Variants in MDGA2 observed in about 807,000 individuals in gnomAD.
The protein encoded by MDGA2 is MAM domain containing glycosylphosphatidylinositol anchor 2.
MDGA2 carries 40 observed loss-of-function variants against 117.8 expected under a neutral mutation model. The observed-to-expected ratio is 0.34, with a 90% CI of 0.26 to 0.44. The LOEUF (loss-of-function observed/expected upper bound fraction) is 0.44, where lower values mean the gene tolerates loss of function less well. Ranked by LOEUF, MDGA2 falls within the 20% of genes least tolerant of loss-of-function variation. MDGA2 has a pLI of 1.00. For synonymous variants in MDGA2, 452 were observed against 439.0 expected (o/e 1.03, Z -0.37); for missense variants, 1,123 against 1,250.6 (o/e 0.90, Z 1.54).
At chr14:47,278,801 T>TA (rs1888385178) in intron 2 of MDGA2, among the ~76,000 whole-genome samples, 1 of 152,154 alleles carries the variant, frequency 6.6e-6, no homozygotes, top group Non-Finnish European at 1.5e-5. Flanking sequence ...TCCCCTACAT[T>TA]ATTATTAGCT....
intron 15 of MDGA2, among the ~76,000 whole-genome samples, chr14:46,849,197 GA>G (rs573067604): frequency 6.1e-4 from 93 of 151,954 alleles, no homozygotes; most frequent in African/African-American, 2.1e-3. Context: ...TGATGATAAA[GA>G]ATCTATTTTA....
chr14:47,129,080 A>G (rs1192689932), intron 5 of MDGA2, among the ~76,000 whole-genome samples: 1 of 145,852 alleles, frequency 6.9e-6, no homozygotes, highest in African/African-American at 2.5e-5. Flanking sequence ...GAAATAGAGC[A>G]TTCTCTAGTT....
intron 1 of MDGA2, among the ~76,000 whole-genome samples, chr14:47,653,877 G>T (rs1182375208): frequency 6.6e-6 from 1 of 152,276 alleles, no homozygotes; most frequent in African/African-American, 2.4e-5. Flanking sequence ...GGCTGTAGAA[G>T]TTGGGAAGAG....
intron 1 of MDGA2, among the ~76,000 whole-genome samples, chr14:47,487,282 A>T (rs980972457): frequency 2.0e-5 from 3 of 152,206 alleles, no homozygotes; most frequent in African/African-American, 7.2e-5. Flanking sequence ...ACCACATTCA[A>T]TCAGATAAAA....
At chr14:47,120,579 T>C (rs986052726) in intron 5 of MDGA2, among the ~76,000 whole-genome samples, 1 of 152,054 alleles carries the variant, frequency 6.6e-6, no homozygotes, top group African/African-American at 2.4e-5. Flanking sequence ...AAAATAAATA[T>C]AAAGGTGGCT....
intron 1 of MDGA2, among the ~76,000 whole-genome samples, chr14:47,469,618 G>C (rs1216895472): frequency 6.6e-6 from 1 of 152,064 alleles, no homozygotes; most frequent in African/African-American, 2.4e-5. Context: ...AAACATACGT[G>C]TGCATGTGTC....
At chr14:47,405,684 C>T (rs529086878) in intron 1 of MDGA2, among the ~76,000 whole-genome samples, 1 of 152,234 alleles carries the variant, frequency 6.6e-6, no homozygotes, top group African/African-American at 2.4e-5. Flanking sequence ...TTTCTATTTT[C>T]AGAATCTGTG....
Position 47,301,406 on chromosome 14 carries a change from C to T in MDGA2, c.420+5G>A. Reference sequence around the variant, plus strand: ...TTTTCTCCAGTGTCACAGTTCGGGACTCACCTGTGGACGTGGATGTCCTGT... The same window carrying T: ...TTTTCTCCAGTGTCACAGTTCGGGATTCACCTGTGGACGTGGATGTCCTGT... On this transcript the variant is annotated splice_donor_5th_base_variant and intron_variant, in intron 2 of 16. Transcript: ENST00000399232. 1 of 1,551,742 alleles carries T rather than the reference C, an allele frequency of 6.4e-7. No homozygotes were observed. The highest frequency in any genetic ancestry group is 8.7e-7 in the Non-Finnish European group (1 of 1,146,982).
At chr14:47,564,127 T>C (rs901341464) in intron 1 of MDGA2, among the ~76,000 whole-genome samples, 2 of 152,238 alleles carry the variant, frequency 1.3e-5, no homozygotes, top group Admixed American at 6.5e-5. Flanking sequence ...GGTCCACTGT[T>C]AGCCTGATGG....
chr14:47,396,962 C>T (rs1340554008), intron 1 of MDGA2, among the ~76,000 whole-genome samples: 1 of 152,094 alleles, frequency 6.6e-6, no homozygotes, highest in Non-Finnish European at 1.5e-5. Context: ...TACCATTTAA[C>T]CCAGCAATCC....
chr14:47,572,222 A>G (rs1404537287), intron 1 of MDGA2, among the ~76,000 whole-genome samples: 1 of 152,190 alleles, frequency 6.6e-6, no homozygotes, highest in Admixed American at 6.5e-5. Flanking sequence ...AATACAAGGT[A>G]TGTGCGTGTA....
At chr14:46,992,088 C>A (rs1887112794) in intron 8 of MDGA2, among the ~76,000 whole-genome samples, 1 of 152,000 alleles carries the variant, frequency 6.6e-6, no homozygotes, top group Non-Finnish European at 1.5e-5. Context: ...GTCAAAAGAT[C>A]AAAACTAGCA....
At chr14:47,330,510 A>G (rs1890264082) in intron 1 of MDGA2, among the ~76,000 whole-genome samples, 2 of 151,926 alleles carry the variant, frequency 1.3e-5, no homozygotes. Flanking sequence ...TAAGCCAGGA[A>G]AGCAGAACTC....
chr14:47,136,550 A>T (rs1218875477), intron 4 of MDGA2, among the ~76,000 whole-genome samples: 1 of 152,244 alleles, frequency 6.6e-6, no homozygotes, highest in African/African-American at 2.4e-5. Context: ...ATCCTCTAAA[A>T]GTGTATTCTT....
intron 1 of MDGA2, among the ~76,000 whole-genome samples, chr14:47,358,642 A>G (rs777896344): frequency 2.0e-5 from 3 of 152,212 alleles, no homozygotes; most frequent in Non-Finnish European, 2.9e-5. Flanking sequence ...ACATACAAAA[A>G]TCAGTTGCAT....
chr14:47,437,860 C>T (rs17118663), intron 1 of MDGA2, among the ~76,000 whole-genome samples: 1,766 of 152,246 alleles, frequency 0.012, 39 homozygotes, highest in African/African-American at 0.04. Context: ...TGAGCTCTAG[C>T]ACTAGTTTAT....
intron 1 of MDGA2, among the ~76,000 whole-genome samples, chr14:47,606,620 G>A (rs1042080436): frequency 2.0e-5 from 3 of 152,066 alleles, no homozygotes; most frequent in African/African-American, 7.2e-5. Flanking sequence ...GGTACTGTTT[G>A]CCTTGTGTCA....
At chr14:47,351,078 ATTT>A (rs36042383) in intron 1 of MDGA2, among the ~76,000 whole-genome samples, 26 of 127,930 alleles carry the variant, frequency 2.0e-4, no homozygotes, top group Non-Finnish European at 3.7e-4. Flanking sequence ...GGCCCGGCTA[ATTT>A]TTTTTTTTTT....
chr14:47,618,994 T>G (rs1037918867), intron 1 of MDGA2, among the ~76,000 whole-genome samples: 7 of 152,170 alleles, frequency 4.6e-5, no homozygotes, highest in Non-Finnish European at 8.8e-5. Context: ...CTCTTTTTTT[T>G]TTGTTATAGG....
Sources: allele counts gnomAD v4.1 joint callset (sites outside exome capture counted in the v4.1 genomes callset), GRCh38; gene constraint gnomAD v4.1.1; transcripts MANE v1.5; gene names NCBI Gene and HGNC (gene_info 2026-07-23, HGNC 2026-07-21).